EPB41L2: variants seen among roughly 807,000 people sequenced by gnomAD.
The protein encoded by EPB41L2 is band 4.1-like protein 2.
EPB41L2 carries 43 observed loss-of-function variants against 113.0 expected under a neutral mutation model. That is an observed-to-expected ratio of 0.38 (90% CI 0.30 to 0.49). The LOEUF is 0.49. Ranked by LOEUF, EPB41L2 falls within the 20% of genes least tolerant of loss-of-function variation. EPB41L2 has a pLI of 0.95. For synonymous variants in EPB41L2, 442 were observed against 436.7 expected (o/e 1.01, Z -0.15); for missense variants, 1,147 against 1,223.4 (o/e 0.94, Z 0.93).
chr6:130,983,666 C>CTTG (rs1331368412), intron 1 of EPB41L2, among the ~76,000 whole-genome samples: 1 of 151,874 alleles, frequency 6.6e-6, no homozygotes, highest in East Asian at 1.9e-4. Context: ...GTAGCTGGGA[C>CTTG]TACAGGCACA....
intron 3 of EPB41L2, among the ~76,000 whole-genome samples, chr6:130,944,172 TACACACAC>T (rs869217556): frequency 2.4e-5 from 3 of 125,558 alleles, no homozygotes; most frequent in Non-Finnish European, 4.9e-5. Flanking sequence ...TACACACACA[TACACACAC>T]ACACACACAC....
chr6:131,015,886 G>A (rs1323400618), intron 1 of EPB41L2: 1 of 152,100 alleles, frequency 6.6e-6, no homozygotes, highest in East Asian at 1.9e-4. Context: ...TTTGCTTCCG[G>A]GTGTTGTTTT....
intron 8 of EPB41L2, among the ~76,000 whole-genome samples, chr6:130,899,214 G>C (rs1795562048): frequency 6.7e-6 from 1 of 148,356 alleles, no homozygotes. Context: ...AGGATAAGCG[G>C]TGAAAAAAAA....
chr6:131,035,885 T>A (rs963408677), intron 1 of EPB41L2, among the ~76,000 whole-genome samples: 3 of 152,176 alleles, frequency 2.0e-5, no homozygotes, highest in Non-Finnish European at 4.4e-5. Flanking sequence ...AATGCTCCCA[T>A]GATTTAAAAA....
At chr6:130,856,335 T>C (rs1297697664) in intron 19 of EPB41L2, among the ~76,000 whole-genome samples, 4 of 152,130 alleles carry the variant, frequency 2.6e-5, no homozygotes, top group Non-Finnish European at 5.9e-5. Flanking sequence ...AAAGGATCAG[T>C]ATGTAGAATC....
intron 1 of EPB41L2, among the ~76,000 whole-genome samples, chr6:131,024,480 A>T (rs1460897274): frequency 6.6e-6 from 1 of 152,164 alleles, no homozygotes; most frequent in Non-Finnish European, 1.5e-5. Context: ...GGCATGTCAT[A>T]AGCCATTCTA....
In EPB41L2 at chr6:130,904,489, G is replaced by A. The variant is rs781423429; in HGVS notation, c.905C>T (p.Ser302Phe). Residue 302 changes from serine (S) to phenylalanine (F), a missense_variant, in exon 6 of 20, where the codon TCT (serine) becomes TTT (phenylalanine). Physicochemically the swap from Ser to Phe is radical, Grantham distance 155. Coordinates refer to ENST00000337057, the MANE Select transcript of EPB41L2 (RefSeq NM_001431.4). ...FNVKFYPPDP[S>F]QLTEDITRYF... is the part of the protein sequence containing the mutation. ...CCTGGTGATATCTTCAGTCAATTGA[G>A]AAGGATCAGGAGGATAAAACTTCAC... 31 of 1,605,160 alleles carry A rather than the reference G, an allele frequency of 1.9e-5. No individual in the cohort carries two copies. Among genetic ancestry groups the A allele is most frequent in the Non-Finnish European group, 2.6e-5 (31 of 1,173,962 alleles).
chr6:131,051,010 T>G (rs1167262078), intron 1 of EPB41L2, among the ~76,000 whole-genome samples: 3 of 152,184 alleles, frequency 2.0e-5, no homozygotes, highest in African/African-American at 7.2e-5. Flanking sequence ...AAAAACAAAT[T>G]TGGTGAGTAT....
chr6:130,881,926 T>C (rs1048068221), intron 12 of EPB41L2: 6 of 152,122 alleles, frequency 3.9e-5, no homozygotes, highest in African/African-American at 1.4e-4. Context: ...GGTCTCCAAA[T>C]ACTACAATAA....
intron 19 of EPB41L2, among the ~76,000 whole-genome samples, chr6:130,853,821 T>A (rs1779461748): frequency 6.6e-6 from 1 of 152,220 alleles, no homozygotes; most frequent in African/African-American, 2.4e-5. Flanking sequence ...ACAGTTCCCC[T>A]TCTTTTTTGA....
chr6:130,869,490 G>C (rs1343246925), intron 15 of EPB41L2, 73 bp downstream of exon 15: 7 of 1,345,990 alleles, frequency 5.2e-6, no homozygotes, highest in South Asian at 2.7e-5. Flanking sequence ...GGGAGGACAG[G>C]AGAAGAAAGG....
At chr6:130,859,381 G>A (rs1236790739) in intron 18 of EPB41L2, among the ~76,000 whole-genome samples, 2 of 151,976 alleles carry the variant, frequency 1.3e-5, no homozygotes, top group African/African-American at 2.4e-5. Context: ...CTTGGCTGGC[G>A]CACGCCTGTA....
chr6:130,869,673 C>T lies in EPB41L2; in HGVS notation c.2497G>A (p.Ala833Thr), dbSNP rs150873575. The change falls in exon 15 of 20, where the codon GCT (alanine) becomes ACT (threonine). Residue 833 changes from alanine to threonine, a missense_variant. Coordinates refer to ENST00000337057, the MANE Select transcript of EPB41L2 (RefSeq NM_001431.4). ...IPGEKSVHEG[A>T]LKQDMGEEAE... ...TCTTCTCCCATGTCTTGCTTAAGAG[C>T]GCCTTCGTGTACACTCTTCTCTCCG... is the stretch of plus-strand genomic sequence containing the variant. The T allele has an allele frequency of 1.2e-5, 19 of 1,614,084 alleles. No individual in the cohort carries two copies. The highest frequency in any genetic ancestry group is 3.3e-5 in the South Asian group (3 of 91,084).
intron 1 of EPB41L2, among the ~76,000 whole-genome samples, chr6:130,995,952 T>C (rs1469581082): frequency 1.3e-5 from 2 of 152,214 alleles, no homozygotes; most frequent in Non-Finnish European, 2.9e-5. Context: ...AGCACAGTTA[T>C]GAATAGATAA....
At chr6:130,881,410 C>T (rs2128466706) in intron 12 of EPB41L2, 2 of 152,256 alleles carry the variant, frequency 1.3e-5, no homozygotes, top group South Asian at 4.1e-4. Flanking sequence ...CTTCCAACTC[C>T]TTGGTCAACA....
intron 1 of EPB41L2, among the ~76,000 whole-genome samples, chr6:131,002,333 G>T (rs1053491880): frequency 6.6e-6 from 1 of 152,164 alleles, no homozygotes; most frequent in African/African-American, 2.4e-5. Context: ...CTATGGAGTC[G>T]AGGGAAAGTG....
intron 14 of EPB41L2, among the ~76,000 whole-genome samples, chr6:130,873,262 C>A (rs73000246): frequency 0.089 from 13,501 of 152,134 alleles, 827 homozygotes; most frequent in Admixed American, 0.17. Context: ...CAATGAGCAA[C>A]GTGAAAATTA....
At chr6:130,872,536 G>A in intron 14 of EPB41L2, 1 of 1,288,710 alleles carries the variant, frequency 7.8e-7, no homozygotes, top group South Asian at 1.2e-5. Context: ...CCTCTTCTAG[G>A]CTCTAGAGAG....
chr6:130,990,428 A>G (rs894230414), intron 1 of EPB41L2, among the ~76,000 whole-genome samples: 2 of 152,250 alleles, frequency 1.3e-5, no homozygotes, highest in Non-Finnish European at 2.9e-5. Context: ...GGAGAAATAC[A>G]TAACACATAG....
Sources: allele counts gnomAD v4.1 joint callset (sites outside exome capture counted in the v4.1 genomes callset), GRCh38; gene constraint gnomAD v4.1.1; transcripts MANE v1.5; gene names NCBI Gene and HGNC (gene_info 2026-07-23, HGNC 2026-07-21).